Variants in PFKFB2 observed in about 807,000 individuals in gnomAD.
PFKFB2 encodes the protein 6-phosphofructo-2-kinase/fructose-2,6-bisphosphatase 2.
Under a neutral mutation model 68.0 loss-of-function variants are expected in PFKFB2, and 53 were observed. The observed-to-expected ratio is 0.78, with a 90% confidence interval of 0.63 to 0.98. The LOEUF is 0.98. PFKFB2 is among the 50% of genes least tolerant of loss of function. PFKFB2 has a pLI of 0.00. For synonymous variants in PFKFB2, 222 were observed against 227.6 expected (o/e 0.98, Z 0.22); for missense variants, 451 against 642.0 (o/e 0.70, Z 3.22).
At chr1:207,043,310 G>A (rs1682514519) in intron 2 of PFKFB2, among the ~76,000 whole-genome samples, 1 of 152,122 alleles carries the variant, frequency 6.6e-6, no homozygotes, top group African/African-American at 2.4e-5. Flanking sequence ...ATTTTATGCT[G>A]CTGTACAAAC....
chr1:207,053,786 A>C lies in PFKFB2; in HGVS notation c.-18+420A>C, dbSNP rs144594752. Among the ~76,000 whole-genome samples, 778 of 152,084 alleles carry C rather than the reference A, an allele frequency of 5.1e-3. 7 individuals carry two copies. Among genetic ancestry groups the C allele is most frequent in the African/African-American group, 0.017 (718 of 41,452 alleles). ...GGGCTTGAGAATGCACTAGAGGAGA[A>C]ATGACGACGTGCTAGGGCTGTCTTG... On this transcript the variant is annotated intron_variant, in intron 1 of 14. Transcript: ENST00000367080.
Position 207,054,798 on chromosome 1 carries a change from A to G in PFKFB2, c.81A>G (p.Lys27=), listed in dbSNP as rs1393334883. Residue 27 remains lysine (K), a synonymous_variant, in exon 2 of 15, where the codon AAA becomes AAG. Transcript: ENST00000367080. ...CAAATCTTCGAATGTCAGAGAAGAA[A>G]TGTTGTGAGTTCTGGCAGAGAGGAG... ...KTPNLRMSEK[K]CSWASYMTNS... 6.2e-7 allele frequency: 1 copy of G among 1,610,746 alleles called. No homozygotes were observed. Among genetic ancestry groups the G allele is most frequent in the Admixed American group, 1.7e-5 (1 of 59,914 alleles).
Position 207,074,970 on chromosome 1 carries a change from A to G in PFKFB2, c.*2599A>G, listed in dbSNP as rs1199387204. The G allele has an allele frequency of 2.0e-6, 2 of 985,312 alleles. No homozygotes were observed. The highest frequency in any genetic ancestry group is 3.5e-5 in the African/African-American group (2 of 57,228). 61.0% of individuals were successfully genotyped at this position (985,312 alleles called of 1,614,324 possible). On this transcript the variant is annotated 3_prime_UTR_variant, in exon 15 of 15. Coordinates refer to ENST00000367080, the MANE Select transcript of PFKFB2 (RefSeq NM_006212.2). Reference sequence around the variant, plus strand: ...GGGAGGCGTGTTTGGCACTTTTACAAGGTTGCATTGTCCACATTTGCTTGG... The same window carrying G: ...GGGAGGCGTGTTTGGCACTTTTACAGGGTTGCATTGTCCACATTTGCTTGG...
chr1:207,063,498 T>A lies in PFKFB2; in HGVS notation c.450+77T>A. 1 of 964,962 alleles carries A rather than the reference T, an allele frequency of 1.0e-6. No individual in the cohort carries two copies. The allele number at this position is 964,962 out of a possible 1,614,324, so 59.8% of individuals were successfully genotyped here. ...CAGGCTACAGGCATGGATCTCTCAC[T>A]CTAGTGGGTGAGGACAGGATGGGAT... On this transcript the variant is annotated intron_variant, in intron 6 of 14. Transcript: ENST00000367080. The surrounding 1 kb of genome is among the most constrained non-coding windows in gnomAD (Gnocchi z 4.1).
At chr1:207,079,177 C>T (rs752863201), downstream of PFKFB2, 422 of 668,920 alleles carry the variant, frequency 6.3e-4, no homozygotes, top group Non-Finnish European at 8.2e-4. Context: ...TATTTCCTCC[C>T]CTCCTGCCTA....
rs191019928 is a variant in PFKFB2, at chr1:207,076,320, A to G, written c.*3949A>G. 5.9e-3 allele frequency: 5,794 copies of G among 984,016 alleles called. 19 individuals carry two copies. Among genetic ancestry groups the G allele is most frequent in the Non-Finnish European group, 6.3e-3 (5,241 of 829,542 alleles). 61.0% of individuals were successfully genotyped at this position (984,016 alleles called of 1,614,324 possible). On this transcript the variant is annotated 3_prime_UTR_variant, in exon 15 of 15. Coordinates refer to ENST00000367080, the MANE Select transcript of PFKFB2 (RefSeq NM_006212.2). ...AACTCATTGGTGGTTGGAGTGGCCA[A>G]TGGGCACGGGAAAAAGTATCCAGTA...
chr1:207,076,297 C>T lies in PFKFB2; in HGVS notation c.*3926C>T. On this transcript the variant is annotated 3_prime_UTR_variant, in exon 15 of 15. Transcript: ENST00000367080. Reference sequence around the variant, plus strand: ...AGCAGGAGATCTTAATTGACAGAAACTCATTGGTGGTTGGAGTGGCCAATG... The same window carrying T: ...AGCAGGAGATCTTAATTGACAGAAATTCATTGGTGGTTGGAGTGGCCAATG... 4 of 947,518 alleles carry T rather than the reference C, an allele frequency of 4.2e-6. No homozygotes were observed. The highest frequency in any genetic ancestry group is 5.0e-6 in the Non-Finnish European group (4 of 800,584). 58.7% of individuals were successfully genotyped at this position (947,518 alleles called of 1,614,324 possible).
In PFKFB2 at chr1:207,076,366, G is replaced by T; in HGVS notation, c.*3995G>T. 5.1e-6 allele frequency: 5 copies of T among 984,902 alleles called. No individual in the cohort carries two copies. The highest frequency in any genetic ancestry group is 6.0e-6 in the Non-Finnish European group (5 of 829,862). The allele number at this position is 984,902 out of a possible 1,614,324, so 61.0% of individuals were successfully genotyped here. A position where few individuals can be genotyped will look rare whatever the true frequency, so the allele number is the denominator to read the frequency against. On this transcript the variant is annotated 3_prime_UTR_variant, in exon 15 of 15. Coordinates refer to ENST00000367080, the MANE Select transcript of PFKFB2 (RefSeq NM_006212.2). ...CAGTAATCAGAAGAATTGTATCTGG[G>T]TTATGTAATCTTATGCACATTCCAT...
chr1:207,053,327 C>G lies in PFKFB2; in HGVS notation c.-57C>G, dbSNP rs1682811114. 1 of 152,760 alleles carries G rather than the reference C, an allele frequency of 6.5e-6. No individual in the cohort carries two copies. Among genetic ancestry groups the G allele is most frequent in the African/African-American group, 2.4e-5 (1 of 41,464 alleles). 9.5% of individuals were successfully genotyped at this position (152,760 alleles called of 1,614,324 possible). Reference sequence around the variant, plus strand: ...TTCGGTCGCGTTACAGGGCAGGCGCCGGGGCCAAGGCAGGGAGGGATCTTA... The same window carrying G: ...TTCGGTCGCGTTACAGGGCAGGCGCGGGGGCCAAGGCAGGGAGGGATCTTA... On this transcript the variant is annotated 5_prime_UTR_variant, in exon 1 of 15. Transcript: ENST00000367080.
chr1:207,057,515 A>G (rs997101567), intron 2 of PFKFB2, among the ~76,000 whole-genome samples: 3 of 150,764 alleles, frequency 2.0e-5, no homozygotes, highest in Admixed American at 6.6e-5. Flanking sequence ...AGAAATCTAC[A>G]TGCTTTTTTT....
At chr1:207,058,248 A>G (rs1351650726) in intron 2 of PFKFB2, among the ~76,000 whole-genome samples, 2 of 152,242 alleles carry the variant, frequency 1.3e-5, no homozygotes, top group Non-Finnish European at 2.9e-5. Context: ...AAATGTCACT[A>G]ATGAAACATG....
chr1:207,063,466 G>A lies in PFKFB2; in HGVS notation c.450+45G>A, dbSNP rs922286563. 5 of 1,338,284 alleles carry A rather than the reference G, an allele frequency of 3.7e-6. No homozygotes were observed. The highest frequency in any genetic ancestry group is 5.3e-6 in the Non-Finnish European group (5 of 936,712). 82.9% of individuals were successfully genotyped at this position (1,338,284 alleles called of 1,614,324 possible). On this transcript the variant is annotated intron_variant, in intron 6 of 14. Coordinates refer to ENST00000367080, the MANE Select transcript of PFKFB2 (RefSeq NM_006212.2). This position sits in a 1 kb window ranked among gnomAD's most constrained non-coding sequence, Gnocchi z 4.1. ...TGGAGGAAAAGGGATGAGTAGAGGT[G>A]GGGAGTCAGGCTACAGGCATGGATC...
chr1:207,062,463 CAACTCTTTT>C, intron 3 of PFKFB2, 148 bp from the exon 4 acceptor site: 1 of 1,191,136 alleles, frequency 8.4e-7, no homozygotes, highest in Non-Finnish European at 1.2e-6. Context: ...GGCTTGAACC[CAACTCTTTT>C]GACTCTTAAT....
downstream of PFKFB2, chr1:207,079,168 A>G: frequency 1.4e-6 from 1 of 696,894 alleles, no homozygotes; most frequent in Non-Finnish European, 2.6e-6. Context: ...ACGTCACCAT[A>G]TTTCCTCCCC....
At chr1:207,079,045 C>T, downstream of PFKFB2, 1 of 1,577,788 alleles carries the variant, frequency 6.3e-7, no homozygotes, top group African/African-American at 1.3e-5. Context: ...GGCCTCACCT[C>T]TCCAAACGAC....
At chr1:207,055,206 C>T (rs564604897) in intron 2 of PFKFB2, among the ~76,000 whole-genome samples, 2 of 152,290 alleles carry the variant, frequency 1.3e-5, no homozygotes, top group East Asian at 3.9e-4. Context: ...GAGTGCTGCT[C>T]ATTGTAGAAA....
intron 13 of PFKFB2, 71 bp from the exon 14 acceptor site, chr1:207,071,438 A>G (rs1683462780): frequency 1.6e-6 from 2 of 1,277,414 alleles, no homozygotes; most frequent in Non-Finnish European, 2.3e-6. Flanking sequence ...TTTGTGGTAT[A>G]CTTTCCCATA....
At position 207,069,668 on chromosome 1, in the gene PFKFB2, C is replaced by G. The variant is rs146046568; in HGVS notation, c.1092+140C>G. ...TCCCTTGGGTCATTTTGGTTTCATTCAGCTTAGACAATCGAATGCCTCATT... is the reference window on the plus strand; with the variant it reads ...TCCCTTGGGTCATTTTGGTTTCATTGAGCTTAGACAATCGAATGCCTCATT... On this transcript the variant is annotated intron_variant, in intron 11 of 14. Transcript: ENST00000367080. 2.2e-4 allele frequency: 131 copies of G among 602,654 alleles called. No homozygotes were observed. The African/African-American group carries it at 2.2e-3, about 10-fold the overall frequency. The allele number at this position is 602,654 out of a possible 1,614,324, so 37.3% of individuals were successfully genotyped here.
chr1:207,038,949 T>C (rs1265187387), intron 1 of PFKFB2, among the ~76,000 whole-genome samples: 2 of 152,248 alleles, frequency 1.3e-5, no homozygotes. Context: ...TTGAGGTATT[T>C]GACACCATAT....
Sources: gnomAD v4.1 joint callset for allele counts (sites outside exome capture counted in the v4.1 genomes callset) on GRCh38, gnomAD v4.1.1 for gene constraint, Gnocchi (gnomAD v3.1) non-coding constraint, MANE v1.5 for transcripts, NCBI Gene and HGNC (gene_info 2026-07-23, HGNC 2026-07-21) for gene names.